Variants in NBEA observed in about 807,000 individuals in gnomAD.
The protein encoded by NBEA is lysosomal-trafficking regulator 2.
In NBEA, 44 loss-of-function variants were observed where a neutral mutation model predicts 343.4. The observed-to-expected ratio is 0.13, with a 90% CI of 0.10 to 0.16. The LOEUF (loss-of-function observed/expected upper bound fraction) is 0.16, where lower values mean the gene tolerates loss of function less well. Among genes scored for constraint, NBEA ranks in the 10% least tolerant of loss-of-function variants. The pLI is 1.00. For synonymous variants in NBEA, 1,175 were observed against 1,238.7 expected (o/e 0.95, Z 1.08); for missense variants, 2,555 against 3,631.3 (o/e 0.70, Z 7.62).
intron 10 of NBEA, among the ~76,000 whole-genome samples, chr13:35,075,950 T>G (rs2064095808): frequency 6.6e-6 from 1 of 151,972 alleles, no homozygotes; most frequent in Non-Finnish European, 1.5e-5. Flanking sequence ...ATATCTATTA[T>G]ATACAGCGTT....
chr13:34,991,816 T>C (rs542180251), intron 1 of NBEA, among the ~76,000 whole-genome samples: 10 of 152,350 alleles, frequency 6.6e-5, no homozygotes, highest in African/African-American at 2.4e-4. Flanking sequence ...AAGAACCTTA[T>C]AAAAGCACTT....
At position 35,070,034 on chromosome 13, in the gene NBEA, C is replaced by G. The variant is rs2063805400; in HGVS notation, c.1366C>G (p.Leu456Val). The G allele has an allele frequency of 1.4e-5, 22 of 1,606,554 alleles. No homozygotes were observed. Among genetic ancestry groups the G allele is most frequent in the Non-Finnish European group, 1.9e-5 (22 of 1,176,922 alleles). ...TYNAKATDAQ[L>V]CLESSPKENA... ...TAATGCTAAGGCCACTGATGCTCAG[C>G]TCTGCCTGGAATCATCACCAAAAGA... The change falls in exon 9 of 59, where the codon CTC becomes GTC. Residue 456 changes from leucine to valine, a missense_variant. By Grantham distance (32) the Leu-to-Val change is conservative. This residue lies in a region of NBEA where 75 missense variants were observed against 237.4 expected (regional missense o/e 0.32). Transcript: ENST00000379939.
At chr13:35,260,002 C>T (rs2033060553) in intron 34 of NBEA, among the ~76,000 whole-genome samples, 1 of 152,178 alleles carries the variant, frequency 6.6e-6, no homozygotes, top group African/African-American at 2.4e-5. Flanking sequence ...GCTACATTGC[C>T]TTCACATAGA....
At chr13:35,558,334 T>G (rs944379664) in intron 44 of NBEA, among the ~76,000 whole-genome samples, 2 of 152,152 alleles carry the variant, frequency 1.3e-5, no homozygotes, top group Non-Finnish European at 1.5e-5. Flanking sequence ...TGAAGCCATT[T>G]GAGGTAGTCA....
chr13:35,469,907 T>C (rs1366199395), intron 40 of NBEA, among the ~76,000 whole-genome samples: 1 of 152,250 alleles, frequency 6.6e-6, no homozygotes, highest in African/African-American at 2.4e-5. Context: ...TTGTGCCTTA[T>C]GTAAACATTT....
intron 38 of NBEA, among the ~76,000 whole-genome samples, chr13:35,356,971 T>C (rs926202841): frequency 1.3e-5 from 2 of 152,190 alleles, no homozygotes; most frequent in African/African-American, 2.4e-5. Context: ...GCTTTAATCT[T>C]CATAGCACCT....
chr13:35,017,230 T>C (rs887301662), intron 1 of NBEA, among the ~76,000 whole-genome samples: 2 of 152,196 alleles, frequency 1.3e-5, no homozygotes, highest in African/African-American at 2.4e-5. Context: ...TAAGCAGGAA[T>C]CTGTTGTTTC....
intron 11 of NBEA, among the ~76,000 whole-genome samples, chr13:35,101,840 C>A (rs748063733): frequency 5.3e-5 from 8 of 151,734 alleles, no homozygotes; most frequent in Non-Finnish European, 8.9e-5. Context: ...ATATACACTG[C>A]AAATTATCTC....
At chr13:35,110,082 T>G (rs2066122287) in intron 12 of NBEA, among the ~76,000 whole-genome samples, 1 of 148,726 alleles carries the variant, frequency 6.7e-6, no homozygotes, top group Admixed American at 6.7e-5. Context: ...ATACTCTAAG[T>G]TTTAGGGTAC....
chr13:35,333,121 A>G (rs1009280868), intron 36 of NBEA, among the ~76,000 whole-genome samples: 4 of 152,098 alleles, frequency 2.6e-5, no homozygotes, highest in African/African-American at 9.7e-5. Context: ...ATAGATAAAC[A>G]CTTAATGACT....
intron 48 of NBEA, among the ~76,000 whole-genome samples, chr13:35,613,772 C>T (rs2082622174): frequency 6.6e-6 from 1 of 152,068 alleles, no homozygotes; most frequent in African/African-American, 2.4e-5. Context: ...AGGTGCATGC[C>T]ACCACACCCA....
intron 1 of NBEA, among the ~76,000 whole-genome samples, chr13:34,951,784 G>C (rs2059357677): frequency 6.6e-6 from 1 of 152,192 alleles, no homozygotes; most frequent in Admixed American, 6.5e-5. Flanking sequence ...TGTTGATGTA[G>C]TAAGACATGA....
chr13:35,352,163 T>A lies in NBEA; in HGVS notation c.6019T>A (p.Cys2007Ser), dbSNP rs555882702. 8 of 1,462,670 alleles carry A rather than the reference T, an allele frequency of 5.5e-6. No individual in the cohort carries two copies. The South Asian group carries it at 1.3e-4, about 23-fold the overall frequency. The allele number at this position is 1,462,670 out of a possible 1,614,324, so 90.6% of individuals were successfully genotyped here. ...VHKHAEFESQ[C>S]AQYAADRREE... The stretch of plus-strand genomic sequence containing the variant: ...CATTTGTATTTCTTTATAGTCACAG[T>A]GTGCCCAATATGCTGCTGATAGAAG... Residue 2007 changes from cysteine to serine, a missense_variant, in exon 38 of 59, where the codon TGT (cysteine) becomes AGT (serine). By Grantham distance (112) the Cys-to-Ser change is moderately radical. Around this residue, in one of 21 missense-constraint regions of NBEA, gnomAD observed 246 missense variants for 313.7 expected, o/e 0.78. Coordinates refer to ENST00000379939, the MANE Select transcript of NBEA (RefSeq NM_001385012.1).
At chr13:35,169,468 A>G (rs191210424) in intron 25 of NBEA, among the ~76,000 whole-genome samples, 3 of 151,268 alleles carry the variant, frequency 2.0e-5, no homozygotes, top group African/African-American at 7.3e-5. Flanking sequence ...TTTTCAGTCA[A>G]AAAAACACTT....
chr13:35,611,040 AG>A (rs200395538), intron 48 of NBEA, among the ~76,000 whole-genome samples: 2 of 130,954 alleles, frequency 1.5e-5, no homozygotes, highest in East Asian at 4.0e-4. Flanking sequence ...AAAAATTAAA[AG>A]GGGGAAAAAA....
intron 41 of NBEA, among the ~76,000 whole-genome samples, chr13:35,503,999 A>T (rs1467275636): frequency 6.6e-6 from 1 of 152,192 alleles, no homozygotes; most frequent in Non-Finnish European, 1.5e-5. Flanking sequence ...TTATGTAAAA[A>T]TATGAGAATA....
At chr13:35,462,154 G>A (rs1000390685) in intron 40 of NBEA, among the ~76,000 whole-genome samples, 7 of 152,124 alleles carry the variant, frequency 4.6e-5, no homozygotes, top group African/African-American at 1.7e-4. Flanking sequence ...ACAAATATAA[G>A]TATCGGATAT....
intron 7 of NBEA, 149 bp downstream of exon 7, chr13:35,056,278 T>C: frequency 1.3e-6 from 1 of 772,496 alleles, no homozygotes; most frequent in East Asian, 3.5e-5. Context: ...ATTGTTAAAT[T>C]TAGTATAAGA....
At chr13:35,017,184 AT>A (rs202038324) in intron 1 of NBEA, among the ~76,000 whole-genome samples, 2 of 151,552 alleles carry the variant, frequency 1.3e-5, no homozygotes, top group South Asian at 2.1e-4. Flanking sequence ...TGACACAGTT[AT>A]TTTTTTTTAT....
Sources: allele counts gnomAD v4.1 joint callset (sites outside exome capture counted in the v4.1 genomes callset), GRCh38; gene constraint gnomAD v4.1.1; regional missense constraint gnomAD v4.1.1; transcripts MANE v1.5; gene names NCBI Gene and HGNC (gene_info 2026-07-23, HGNC 2026-07-21).